Variants in SCAF11 observed in about 807,000 individuals in gnomAD.
SCAF11 encodes SR-related CTD associated factor 11.
A neutral mutation model predicts 140.5 loss-of-function variants in SCAF11; 47 were observed. The ratio of observed to expected loss-of-function variants is 0.33; its 90% CI spans 0.26 to 0.43. The LOEUF (loss-of-function observed/expected upper bound fraction) is 0.43, where lower values mean the gene tolerates loss of function less well. SCAF11 is among the 20% of genes least tolerant of loss of function. The pLI, the probability that SCAF11 is intolerant of heterozygous loss-of-function variation, is 1.00. For synonymous variants in SCAF11, 557 were observed against 579.4 expected, an observed-to-expected ratio of 0.96 and a Z score of 0.55; for missense variants, 1,645 against 1,705.1, an observed-to-expected ratio of 0.96 and a Z score of 0.62.
chr12:45,951,920 A>G (rs537731426), intron 3 of SCAF11, among the ~76,000 whole-genome samples, 193 bp from the exon 4 acceptor site: 1 of 152,208 alleles, frequency 6.6e-6, no homozygotes, highest in Non-Finnish European at 1.5e-5. Context: ...GTTGGAATAC[A>G]ATGATGAACG....
At chr12:45,949,674 G>C (rs180959616) in intron 4 of SCAF11, among the ~76,000 whole-genome samples, 208 of 152,244 alleles carry the variant, frequency 1.4e-3, no homozygotes, top group Non-Finnish European at 2.5e-3. Flanking sequence ...TTGGTGACTA[G>C]GGCTGTGATT....
intron 6 of SCAF11, among the ~76,000 whole-genome samples, chr12:45,940,395 T>A (rs928054164): frequency 1.3e-5 from 2 of 152,208 alleles, no homozygotes; most frequent in African/African-American, 4.8e-5. Context: ...TTACAAAGGT[T>A]GCAGACAACC....
At chr12:45,956,311 A>C (rs1323031919) in intron 3 of SCAF11, 3 of 615,122 alleles carry the variant, frequency 4.9e-6, no homozygotes, top group Non-Finnish European at 8.7e-6. Context: ...TCTACTAACA[A>C]AATAGAGCAT....
Position 45,924,770 on chromosome 12 carries a change from T to C in SCAF11, c.3864A>G (p.Gln1288=). 1 of 1,612,888 alleles carries C rather than the reference T, an allele frequency of 6.2e-7. No individual in the cohort carries two copies. The highest frequency in any genetic ancestry group is 1.1e-5 in the South Asian group (1 of 90,990). The change falls in exon 12 of 15, where the codon CAA becomes CAG. Residue 1288 remains glutamine (Q), a synonymous_variant. Coordinates refer to ENST00000369367, the MANE Select transcript of SCAF11 (RefSeq NM_004719.3). The part of the protein sequence containing the change: ...PPPPPPPPSQ[Q]VNYIASQPDG... Reference sequence around the variant, plus strand: ...CTGGTTGTGAAGCAATGTAGTTGACTTGTTGGGATGGTGGGGGAGGGGGTG... The same window carrying C: ...CTGGTTGTGAAGCAATGTAGTTGACCTGTTGGGATGGTGGGGGAGGGGGTG...
At chr12:45,933,054 C>G in intron 9 of SCAF11, 77 bp downstream of exon 9, 2 of 929,532 alleles carry the variant, frequency 2.2e-6, no homozygotes, top group Non-Finnish European at 3.3e-6. Flanking sequence ...GAATAAGGTA[C>G]CCTTGTACTT....
chr12:45,941,567 C>A (rs1378451650), intron 6 of SCAF11, among the ~76,000 whole-genome samples: 2 of 152,166 alleles, frequency 1.3e-5, no homozygotes, highest in Non-Finnish European at 1.5e-5. Flanking sequence ...TCCCTATCTT[C>A]CCCGCTCCCA....
At chr12:45,984,231 T>C (rs964639368) in intron 1 of SCAF11, among the ~76,000 whole-genome samples, 5 of 152,246 alleles carry the variant, frequency 3.3e-5, no homozygotes, top group East Asian at 1.9e-4. Flanking sequence ...ATGACCTTGT[T>C]TGTACTCCTT....
chr12:45,943,523 T>A (rs1436589053), intron 6 of SCAF11, among the ~76,000 whole-genome samples: 1 of 152,226 alleles, frequency 6.6e-6, no homozygotes, highest in Non-Finnish European at 1.5e-5. Context: ...ACCTAATTTA[T>A]AAATTAAACT....
chr12:45,980,926 T>C (rs1005634401), intron 1 of SCAF11, among the ~76,000 whole-genome samples: 1 of 152,200 alleles, frequency 6.6e-6, no homozygotes, highest in Non-Finnish European at 1.5e-5. Context: ...ATTAGTAAGA[T>C]ACTAGTTATC....
At chr12:45,991,757 G>T, upstream of SCAF11, 1 of 549,398 alleles carries the variant, frequency 1.8e-6, no homozygotes, top group Non-Finnish European at 2.6e-6. Context: ...ACTGCAGCAA[G>T]CTTCCGGTTG....
chr12:45,934,251 A>C lies in SCAF11; in HGVS notation c.557T>G (p.Phe186Cys). The C allele has an allele frequency of 6.2e-7, 1 of 1,611,742 alleles. No individual in the cohort carries two copies. The highest frequency in any genetic ancestry group is 8.5e-7 in the Non-Finnish European group (1 of 1,178,604). The change falls in exon 8 of 15, where the codon TTC becomes TGC. Residue 186 changes from phenylalanine (F) to cysteine (C), a missense_variant. Phe to Cys is a radical substitution (Grantham distance 205, BLOSUM62 -2). Transcript: ENST00000369367. ...QRSNWSTNQC[F>C]RNFFSNMFSS... is the part of the protein sequence containing the mutation. ...AAACATATTGGAGAAAAAATTTCTG[A>C]AGCACTGATTTGTACTCCAATTTGA...
upstream of SCAF11, among the ~76,000 whole-genome samples, chr12:45,991,131 TGTGGA>T (rs751001375): frequency 1.3e-5 from 2 of 152,242 alleles, no homozygotes; most frequent in African/African-American, 2.4e-5. Context: ...AAATGCAGCC[TGTGGA>T]GTGAAGAGTC....
In SCAF11 at chr12:45,933,206, A is replaced by T; in HGVS notation, c.659T>A (p.Ile220Asn). The T allele has an allele frequency of 6.2e-7, 1 of 1,611,372 alleles. No individual in the cohort carries two copies. Among genetic ancestry groups the T allele is most frequent in the East Asian group, 2.2e-5 (1 of 44,744 alleles). The change falls in exon 9 of 15, where the codon ATC (isoleucine) becomes AAC (asparagine). Residue 220 changes from isoleucine to asparagine, a missense_variant. By Grantham distance (149) the Ile-to-Asn change is moderately radical (BLOSUM62 -3). Coordinates refer to ENST00000369367, the MANE Select transcript of SCAF11 (RefSeq NM_004719.3). ...YCTEFIEASE[I>N]SALIRQKRHE... ...TCTCTTCTGCCTAATCAATGCACTGATTTCACTGGCTTCTATAAATTCTGT... is the reference window on the plus strand; with the variant it reads ...TCTCTTCTGCCTAATCAATGCACTGTTTTCACTGGCTTCTATAAATTCTGT...
At chr12:45,977,628 G>A (rs1321224465) in intron 1 of SCAF11, among the ~76,000 whole-genome samples, 1 of 152,018 alleles carries the variant, frequency 6.6e-6, no homozygotes, top group Non-Finnish European at 1.5e-5. Flanking sequence ...AAAATATTAT[G>A]AACTAAAATA....
intron 6 of SCAF11, among the ~76,000 whole-genome samples, chr12:45,941,918 T>A (rs531299620): frequency 6.6e-6 from 1 of 152,300 alleles, no homozygotes; most frequent in Non-Finnish European, 1.5e-5. Context: ...GCCATTGCCA[T>A]CCAAGACAGC....
At chr12:45,931,892 A>C (rs1157429535) in intron 9 of SCAF11, among the ~76,000 whole-genome samples, 1 of 152,176 alleles carries the variant, frequency 6.6e-6, no homozygotes, top group Non-Finnish European at 1.5e-5. Context: ...TCTCTTTGAA[A>C]TAATTTATGT....
At chr12:45,990,954 G>C (rs1946593559), upstream of SCAF11, among the ~76,000 whole-genome samples, 2 of 152,258 alleles carry the variant, frequency 1.3e-5, no homozygotes, top group East Asian at 1.9e-4. Context: ...TCCTTTGGCA[G>C]TTTTACAGGC....
intron 3 of SCAF11, among the ~76,000 whole-genome samples, chr12:45,959,891 A>G (rs778482393): frequency 5.9e-5 from 9 of 152,154 alleles, no homozygotes; most frequent in Non-Finnish European, 7.4e-5. Context: ...AAGGTTAATT[A>G]CCTTTGTTTA....
rs1946567785 is a variant in SCAF11, at chr12:45,990,353, CT to C, written c.-23del. 1 of 1,232,010 alleles carries C rather than the reference CT, an allele frequency of 8.1e-7. No homozygotes were observed. The highest frequency in any genetic ancestry group is 4.2e-5 in the Admixed American group (1 of 23,710). The allele number at this position is 1,232,010 out of a possible 1,614,324, so 76.3% of individuals were successfully genotyped here. ...ACCCCGCGGGTCGACCAGTGTTTAC[CT>C]CAGACCGAGGTCGAGGCGCTCGGTC... is the stretch of plus-strand genomic sequence containing the variant. On this transcript the variant is annotated splice_region_variant and 5_prime_UTR_variant, in exon 1 of 15. Coordinates refer to ENST00000369367, the MANE Select transcript of SCAF11 (RefSeq NM_004719.3).
Sources: gnomAD v4.1 joint callset for allele counts (sites outside exome capture counted in the v4.1 genomes callset) on GRCh38, gnomAD v4.1.1 for gene constraint, MANE v1.5 for transcripts, NCBI Gene and HGNC (gene_info 2026-07-23, HGNC 2026-07-21) for gene names.